BAP1: variants seen among roughly 807,000 people sequenced by gnomAD.
The protein encoded by BAP1 is ubiquitin carboxyl-terminal hydrolase BAP1.
Under a neutral mutation model 77.2 loss-of-function variants are expected in BAP1, and 16 were observed. That is an observed-to-expected ratio of 0.21 (90% CI 0.14 to 0.31). The LOEUF (loss-of-function observed/expected upper bound fraction) is 0.31. Among genes scored for constraint, BAP1 ranks in the 10% least tolerant of loss-of-function variants. The pLI, the probability that BAP1 is intolerant of heterozygous loss-of-function variation, is 1.00. For synonymous variants in BAP1, 362 were observed against 385.2 expected (o/e 0.94, Z 0.71); for missense variants, 699 against 967.3 (o/e 0.72, Z 3.68).
rs773230722 is a variant in BAP1 at position 52,402,295 on chromosome 3, C to T, written c.2183G>A (p.Arg728His). 7 of 1,600,518 alleles carry T rather than the reference C, an allele frequency of 4.4e-6. No individual in the cohort carries two copies. The highest frequency in any genetic ancestry group is 1.1e-5 in the South Asian group (1 of 88,426). Residue 728 changes from arginine (R) to histidine (H), a missense_variant, in exon 17 of 17, where the codon CGC becomes CAC. Arg to His is a conservative substitution (Grantham distance 29, BLOSUM62 0). Coordinates refer to ENST00000460680, the MANE Select transcript of BAP1 (RefSeq NM_004656.4). This position sits in a 1 kb window ranked among gnomAD's most constrained non-coding sequence, Gnocchi z 5.3. Reference protein sequence around the residue: ...RKRSRPYKAKRQ With the variant: ...RKRSRPYKAKHQ ...AGTCAGGGCCAGCAGTCCTCACTGGCGCTTGGCCTTGTAGGGGCGAGAGCG... is the reference window on the plus strand; with the variant it reads ...AGTCAGGGCCAGCAGTCCTCACTGGTGCTTGGCCTTGTAGGGGCGAGAGCG...
chr3:52,409,097 C>G (rs1303640338), intron 3 of BAP1, among the ~76,000 whole-genome samples: 1 of 152,226 alleles, frequency 6.6e-6, no homozygotes, highest in East Asian at 1.9e-4. Context: ...TGTTGCTACT[C>G]TCTTACACAT....
At chr3:52,408,659 G>C (rs1321960634) in intron 3 of BAP1, 53 bp from the exon 4 acceptor site, 1 of 1,573,302 alleles carries the variant, frequency 6.4e-7, no homozygotes, top group Non-Finnish European at 8.7e-7. Flanking sequence ...AAGACAATCA[G>C]CATTCCCTTC....
Position 52,401,349 on chromosome 3 carries a change from A to T in BAP1, c.*939T>A, listed in dbSNP as rs1704947901. 4.3e-6 allele frequency: 1 copy of T among 233,316 alleles called. No individual in the cohort carries two copies. The highest frequency in any genetic ancestry group is 2.2e-5 in the African/African-American group (1 of 45,426). The allele number at this position is 233,316 out of a possible 1,614,324, so 14.5% of individuals were successfully genotyped here. A position where few individuals can be genotyped will look rare whatever the true frequency, so the allele number is the denominator to read the frequency against. On this transcript the variant is annotated 3_prime_UTR_variant, in exon 17 of 17. Coordinates refer to ENST00000460680, the MANE Select transcript of BAP1 (RefSeq NM_004656.4). The stretch of plus-strand genomic sequence containing the variant: ...CAGAGGCTGAGGAAACTGGAGTAGC[A>T]GGAAGAGCTGAGTGGTGCCAGCTTC...
chr3:52,402,387 G>A lies in BAP1; in HGVS notation c.2091C>T (p.Ser697=), dbSNP rs754513396. Residue 697 remains serine (S), a synonymous_variant, in exon 17 of 17, where the codon TCC becomes TCT. Coordinates refer to ENST00000460680, the MANE Select transcript of BAP1 (RefSeq NM_004656.4). This position sits in a 1 kb window ranked among gnomAD's most constrained non-coding sequence, Gnocchi z 5.3. ...MLANLVEQNI[S]VRRRQGVSIG... ...TGCTGACCCCTTGGCGCCGCCGCAC[G>A]GAGATGTTCTGCTCCACTAGGTTGG... 94 of 1,570,312 alleles carry A rather than the reference G, an allele frequency of 6.0e-5. No individual in the cohort carries two copies. The highest frequency in any genetic ancestry group is 3.6e-4 in the Admixed American group (19 of 52,782).
In BAP1 at chr3:52,402,999, C is replaced by A; in HGVS notation, c.1891-128G>T. On this transcript the variant is annotated intron_variant, in intron 14 of 16. Coordinates refer to ENST00000460680, the MANE Select transcript of BAP1 (RefSeq NM_004656.4). The surrounding 1 kb of genome is among the most constrained non-coding windows in gnomAD (Gnocchi z 5.3). ...ATCAAGGCCCCTGCCACCACCCAAC[C>A]CAGAAAGTCTTCTGGCACATGGCTC... The A allele has an allele frequency of 6.3e-7, 1 of 1,597,464 alleles. No individual in the cohort carries two copies. Among genetic ancestry groups the A allele is most frequent in the Non-Finnish European group, 8.5e-7 (1 of 1,176,824 alleles).
rs1174809043 is a variant in BAP1, at chr3:52,402,342, C to T, written c.2136G>A (p.Gln712=). 2.5e-6 allele frequency: 4 copies of T among 1,589,606 alleles called. No individual in the cohort carries two copies. Among genetic ancestry groups the T allele is most frequent in the South Asian group, 2.3e-5 (2 of 87,566 alleles). The part of the protein sequence containing the change: ...QGVSIGRLHK[Q]RKPDRRKRSR... The stretch of plus-strand genomic sequence containing the variant: ...AGCGTTTCCGCCGGTCAGGCTTCCG[C>T]TGCTTGTGGAGCCGGCCGATGCTGA... Residue 712 remains glutamine (Q), a synonymous_variant, in exon 17 of 17, where the codon CAG becomes CAA. Coordinates refer to ENST00000460680, the MANE Select transcript of BAP1 (RefSeq NM_004656.4). This position sits in a 1 kb window ranked among gnomAD's most constrained non-coding sequence, Gnocchi z 5.3.
At position 52,403,027 on chromosome 3, in the gene BAP1, G is replaced by GCCA; in HGVS notation, c.1890+108_1890+110dup. ...GAAAGTCTTCTGGCACATGGCTCCA[G>GCCA]CCACCAATCTTCACACCAAAGTTCC... On this transcript the variant is annotated intron_variant, in intron 14 of 16. Transcript: ENST00000460680. The surrounding 1 kb of genome is among the most constrained non-coding windows in gnomAD (Gnocchi z 4.0). 5 of 1,597,432 alleles carry GCCA rather than the reference G, an allele frequency of 3.1e-6. No homozygotes were observed.
At chr3:52,404,991 C>G in intron 11 of BAP1, 119 bp downstream of exon 11, 1 of 1,392,786 alleles carries the variant, frequency 7.2e-7, no homozygotes, top group Non-Finnish European at 1.0e-6. Flanking sequence ...AACCCAGGCC[C>G]AGGCAGCTTG....
rs1250373530 is a variant in BAP1, at chr3:52,402,635, T to A, written c.2023A>T (p.Ile675Phe). The A allele has an allele frequency of 6.2e-7, 1 of 1,614,204 alleles. No individual in the cohort carries two copies. The highest frequency in any genetic ancestry group is 1.1e-5 in the South Asian group (1 of 91,082). The change falls in exon 16 of 17, where the codon ATC (isoleucine) becomes TTC (phenylalanine). Residue 675 changes from isoleucine to phenylalanine, a missense_variant. Around this residue, in one of 3 missense-constraint regions of BAP1, gnomAD observed 64 missense variants for 112.1 expected, o/e 0.57. Coordinates refer to ENST00000460680, the MANE Select transcript of BAP1 (RefSeq NM_004656.4). The surrounding 1 kb of genome is among the most constrained non-coding windows in gnomAD (Gnocchi z 5.3). Reference protein sequence around the residue: ...QRRTHNYDEFICTFISMLAQE... With the variant: ...QRRTHNYDEFFCTFISMLAQE... ...GCCAGCATGGAGATAAAGGTGCAGATGAACTCATCGTAGTTGTGGGTCCTT... is the reference window on the plus strand; with the variant it reads ...GCCAGCATGGAGATAAAGGTGCAGAAGAACTCATCGTAGTTGTGGGTCCTT...
Position 52,402,345 on chromosome 3 carries a change from C to T in BAP1, c.2133G>A (p.Lys711=), listed in dbSNP as rs2153226098. 1.3e-6 allele frequency: 2 copies of T among 1,587,410 alleles called. No individual in the cohort carries two copies. The highest frequency in any genetic ancestry group is 1.7e-6 in the Non-Finnish European group (2 of 1,168,318). Residue 711 remains lysine, a synonymous_variant, in exon 17 of 17, where the codon AAG becomes AAA. Coordinates refer to ENST00000460680, the MANE Select transcript of BAP1 (RefSeq NM_004656.4). This position sits in a 1 kb window ranked among gnomAD's most constrained non-coding sequence, Gnocchi z 5.3. ...GTTTCCGCCGGTCAGGCTTCCGCTG[C>T]TTGTGGAGCCGGCCGATGCTGACCC... ...RQGVSIGRLH[K]QRKPDRRKRS... is the part of the protein sequence containing the mutation.
chr3:52,405,521 A>AAACC (rs1705127589), intron 10 of BAP1: 40 of 481,046 alleles, frequency 8.3e-5, no homozygotes, highest in East Asian at 3.3e-4. Flanking sequence ...AAAAAAAAAA[A>AAACC]CCGCCTCTAG....
At chr3:52,407,355 C>G (rs1312097244) in intron 6 of BAP1, 39 bp from the exon 7 acceptor site, 2 of 1,614,186 alleles carry the variant, frequency 1.2e-6, no homozygotes, top group Non-Finnish European at 8.5e-7. Context: ...AAATGATACT[C>G]CCCCTACTCC....
chr3:52,409,818 T>G (rs747938316), intron 1 of BAP1, 24 bp downstream of exon 1: 1 of 1,612,874 alleles, frequency 6.2e-7, no homozygotes, highest in Admixed American at 1.7e-5. Context: ...CCCCAGCCCC[T>G]GGCCCTCCCG....
At position 52,402,058 on chromosome 3, in the gene BAP1, C is replaced by T. The variant is rs950739086; in HGVS notation, c.*230G>A. On this transcript the variant is annotated 3_prime_UTR_variant, in exon 17 of 17. Coordinates refer to ENST00000460680, the MANE Select transcript of BAP1 (RefSeq NM_004656.4). This position sits in a 1 kb window ranked among gnomAD's most constrained non-coding sequence, Gnocchi z 5.3. ...GGCTGTGGAGGAAGCTGCAGTACCT[C>T]GCTGTGCCCCAACTCCAGATGCTGC... 14 of 710,792 alleles carry T rather than the reference C, an allele frequency of 2.0e-5. No homozygotes were observed. The highest frequency in any genetic ancestry group is 3.8e-5 in the South Asian group (2 of 52,342). The allele number at this position is 710,792 out of a possible 1,614,324, so 44.0% of individuals were successfully genotyped here. A position where few individuals can be genotyped will look rare whatever the true frequency, so the allele number is the denominator to read the frequency against.
intron 4 of BAP1, 151 bp downstream of exon 4, chr3:52,408,323 T>A: frequency 1.5e-6 from 2 of 1,347,188 alleles, no homozygotes; most frequent in Non-Finnish European, 2.1e-6. Context: ...CTTTAATGAA[T>A]TAAGAGTTCA....
chr3:52,406,870 G>C lies in BAP1; in HGVS notation c.618C>G (p.Ala206=), dbSNP rs2153227641. The C allele has an allele frequency of 6.4e-7, 1 of 1,568,806 alleles. No homozygotes were observed. Among genetic ancestry groups the C allele is most frequent in the Non-Finnish European group, 8.7e-7 (1 of 1,155,998 alleles). Residue 206 remains alanine (A), a synonymous_variant, in exon 8 of 17, where the codon GCC becomes GCG. Coordinates refer to ENST00000460680, the MANE Select transcript of BAP1 (RefSeq NM_004656.4). The surrounding 1 kb of genome is among the most constrained non-coding windows in gnomAD (Gnocchi z 4.6). The part of the protein sequence containing the change: ...WGEDEEWTDK[A]RRVIMERIGL... ...CGATACGCTCCATGATGACCCGCCGGGCCTTGTCTGTCCACTCCTCGTCCT... is the reference window on the plus strand; with the variant it reads ...CGATACGCTCCATGATGACCCGCCGCGCCTTGTCTGTCCACTCCTCGTCCT...
In BAP1 at chr3:52,405,200, G is replaced by A. The variant is rs71651686; in HGVS notation, c.1026C>T (p.Ser342=). ...TGGGGTTGGGGTGAACCCCATTGAG[G>A]CTGCTGCCTGGAGGCTTCACCACTA... ...PKLVVKPPGS[S]LNGVHPNPTP... The change falls in exon 11 of 17, where the codon AGC becomes AGT. Residue 342 remains serine (S), a synonymous_variant. Coordinates refer to ENST00000460680, the MANE Select transcript of BAP1 (RefSeq NM_004656.4). 6,244 of 1,614,102 alleles carry A rather than the reference G, an allele frequency of 3.9e-3. 15 individuals carry two copies. The highest frequency in any genetic ancestry group is 4.7e-3 in the Non-Finnish European group (5,509 of 1,180,036).
In BAP1 at chr3:52,403,436, A is replaced by G. The variant is rs1705036379; in HGVS notation, c.1709T>C (p.Leu570Pro). ...GLLHLAEDGV[L>P]SPLALTEGGK... ...CCCACCTGTCAGCGCCAGGGGACTC[A>G]GCACCCCATCCTCAGCCAGGTGCAG... Residue 570 changes from leucine (L) to proline (P), a missense_variant, in exon 13 of 17, where the codon CTG becomes CCG. Coordinates refer to ENST00000460680, the MANE Select transcript of BAP1 (RefSeq NM_004656.4). The surrounding 1 kb of genome is among the most constrained non-coding windows in gnomAD (Gnocchi z 4.0). The G allele has an allele frequency of 6.2e-7, 1 of 1,613,842 alleles. No homozygotes were observed. The highest frequency in any genetic ancestry group is 1.1e-5 in the South Asian group (1 of 91,086).
Position 52,406,136 on chromosome 3 carries a change from G to A in BAP1, c.783+117C>T. On this transcript the variant is annotated intron_variant, in intron 9 of 16. Coordinates refer to ENST00000460680, the MANE Select transcript of BAP1 (RefSeq NM_004656.4). The surrounding 1 kb of genome is among the most constrained non-coding windows in gnomAD (Gnocchi z 4.6). Reference sequence around the variant, plus strand: ...GGGCAAAGAAAAGATGTGGTTAGCTGAAGCCCAGATCTACAAGAGAGTATG... The same window carrying A: ...GGGCAAAGAAAAGATGTGGTTAGCTAAAGCCCAGATCTACAAGAGAGTATG... 6.3e-7 allele frequency: 1 copy of A among 1,575,598 alleles called. No individual in the cohort carries two copies. Among genetic ancestry groups the A allele is most frequent in the Non-Finnish European group, 8.7e-7 (1 of 1,152,542 alleles).
Sources: allele counts gnomAD v4.1 joint callset (sites outside exome capture counted in the v4.1 genomes callset), GRCh38; gene constraint gnomAD v4.1.1; regional missense constraint gnomAD v4.1.1; non-coding constraint Gnocchi (gnomAD v3.1); transcripts MANE v1.5; gene names NCBI Gene and HGNC (gene_info 2026-07-23, HGNC 2026-07-21).